WWP2: variants seen among roughly 807,000 people sequenced by gnomAD.
WWP2 encodes WW domain containing E3 ubiquitin protein ligase 2, also known as NEDD4-like E3 ubiquitin-protein ligase WWP2.
Under a neutral mutation model 121.0 loss-of-function variants are expected in WWP2, and 57 were observed. That is an observed-to-expected ratio of 0.47 (90% CI 0.38 to 0.59). The LOEUF (loss-of-function observed/expected upper bound fraction) is 0.59, where lower values mean the gene tolerates loss of function less well. Among genes scored for constraint, WWP2 ranks in the 20% least tolerant of loss-of-function variants. The probability of loss-of-function intolerance (pLI) is 0.00; values close to 1 mark genes in which losing one functional copy is unlikely to be tolerated. For missense variants in WWP2, 962 were observed against 1,158.9 expected, an observed-to-expected ratio of 0.83 and a Z score of 2.47; for synonymous variants, 449 against 441.3, an observed-to-expected ratio of 1.02 and a Z score of -0.22.
chr16:69,885,347 G>A (rs939530843), intron 7 of WWP2, among the ~76,000 whole-genome samples: 1 of 152,066 alleles, frequency 6.6e-6, no homozygotes, highest in Admixed American at 6.6e-5. Flanking sequence ...ATCAAGCCTT[G>A]CATTTCTGTT....
At position 69,935,073 on chromosome 16, in the gene WWP2, G is replaced by A. The variant is rs1364431908; in HGVS notation, c.1843-780G>A. On this transcript the variant is annotated intron_variant, in intron 17 of 23. Transcript: ENST00000359154. This position sits in a 1 kb window ranked among gnomAD's most constrained non-coding sequence, Gnocchi z 5.2. ...GGTCCTGCCACGTGCCCCGTTGAGG[G>A]TCCTGGGAGCGTGGAGAACCCGGAT... is the stretch of plus-strand genomic sequence containing the variant. Among the ~76,000 whole-genome samples, 1 of 152,220 alleles carries A rather than the reference G, an allele frequency of 6.6e-6. No individual in the cohort carries two copies.
intron 7 of WWP2, among the ~76,000 whole-genome samples, chr16:69,879,220 A>G (rs1031150095): frequency 2.0e-5 from 3 of 152,244 alleles, no homozygotes; most frequent in African/African-American, 7.2e-5. Flanking sequence ...TGAAAAACAC[A>G]TAACATGAAA....
In WWP2 at chr16:69,935,415, T is replaced by C. The variant is rs1466088114; in HGVS notation, c.1843-438T>C. Among the ~76,000 whole-genome samples, 1 of 152,232 alleles carries C rather than the reference T, an allele frequency of 6.6e-6. No homozygotes were observed. Among genetic ancestry groups the C allele is most frequent in the Non-Finnish European group, 1.5e-5 (1 of 68,046 alleles). On this transcript the variant is annotated intron_variant, in intron 17 of 23. Transcript: ENST00000359154. This position sits in a 1 kb window ranked among gnomAD's most constrained non-coding sequence, Gnocchi z 5.2. ...ATTACTCACCATTGGCCGCCAGCTC[T>C]CGCTGTCGGCGGTGTCTGCATTATT...
chr16:69,888,808 G>A, intron 8 of WWP2, among the ~76,000 whole-genome samples: 1 of 151,994 alleles, frequency 6.6e-6, no homozygotes, highest in South Asian at 2.1e-4. Context: ...GGGTTCAAGT[G>A]ATTCTCCTGC....
At chr16:69,839,537 A>G (rs760290659) in intron 4 of WWP2, among the ~76,000 whole-genome samples, 2 of 152,108 alleles carry the variant, frequency 1.3e-5, no homozygotes, top group African/African-American at 2.4e-5. Context: ...CCACTTCTCA[A>G]TTCTCTCTCC....
Position 69,833,011 on chromosome 16 carries a change from G to A in WWP2, c.341-7115G>A, listed in dbSNP as rs908800802. On this transcript the variant is annotated intron_variant, in intron 4 of 23. Transcript: ENST00000359154. The stretch of plus-strand genomic sequence containing the variant: ...TGGGACCGCAGGTGCACGCCACCAC[G>A]TCCAACTAATTATTTTATTTTATTT... 3.3e-5 allele frequency among the ~76,000 whole-genome samples: 5 copies of A among 152,144 alleles called. No homozygotes were observed. In the South Asian group the frequency reaches 8.3e-4, roughly 25 times the overall value.
chr16:69,811,815 T>C (rs558155246), intron 4 of WWP2, among the ~76,000 whole-genome samples: 1 of 152,158 alleles, frequency 6.6e-6, no homozygotes, highest in African/African-American at 2.4e-5. Flanking sequence ...AACTCCTCAA[T>C]GTCGTCCTTC....
chr16:69,763,207 G>A (rs1028787502), intron 1 of WWP2, among the ~76,000 whole-genome samples: 2 of 152,190 alleles, frequency 1.3e-5, no homozygotes, highest in Admixed American at 6.5e-5. Flanking sequence ...TACCTAGACT[G>A]CTTTATGACT....
At chr16:69,802,070 C>T (rs2056179941) in intron 4 of WWP2, among the ~76,000 whole-genome samples, 1 of 151,930 alleles carries the variant, frequency 6.6e-6, no homozygotes, top group Admixed American at 6.6e-5. Flanking sequence ...GCTGGGACTA[C>T]AGGCACCCAC....
chr16:69,793,512 A>T (rs1456659615), intron 2 of WWP2, among the ~76,000 whole-genome samples: 1 of 152,108 alleles, frequency 6.6e-6, no homozygotes, highest in Admixed American at 6.6e-5. Context: ...ACAATTTGAC[A>T]GGTAGGGGAC....
rs573922760 is a variant in WWP2 at position 69,854,841 on chromosome 16, G to A, written c.575+12721G>A. Among the ~76,000 whole-genome samples the A allele has an allele frequency of 2.4e-3, 360 of 152,142 alleles. 2 individuals carry two copies. The highest frequency in any genetic ancestry group is 0.01 in the South Asian group (49 of 4,814). On this transcript the variant is annotated intron_variant, in intron 6 of 23. Coordinates refer to ENST00000359154, the MANE Select transcript of WWP2 (RefSeq NM_001270454.2). Reference sequence around the variant, plus strand: ...GCTGGGATTACAAGTGTGGGCCACCGCGCCTAGCCTCTTTTTTGTTTTTTA... The same window carrying A: ...GCTGGGATTACAAGTGTGGGCCACCACGCCTAGCCTCTTTTTTGTTTTTTA...
chr16:69,922,500 C>T (rs2058577903), intron 10 of WWP2, among the ~76,000 whole-genome samples: 1 of 152,200 alleles, frequency 6.6e-6, no homozygotes. Context: ...CTTTTCTGTT[C>T]CTAGTGATAG....
intron 1 of WWP2, among the ~76,000 whole-genome samples, chr16:69,774,499 C>T (rs568006973): frequency 6.6e-6 from 1 of 152,252 alleles, no homozygotes; most frequent in African/African-American, 2.4e-5. Flanking sequence ...TCAAGTGATC[C>T]ACCTGACTTG....
At chr16:69,912,427 C>T (rs1022966508) in intron 9 of WWP2, among the ~76,000 whole-genome samples, 1 of 150,734 alleles carries the variant, frequency 6.6e-6, no homozygotes, top group Non-Finnish European at 1.5e-5. Flanking sequence ...ATGACTGCCT[C>T]TGACATTGAG....
chr16:69,847,466 A>G (rs1240430467), intron 6 of WWP2, among the ~76,000 whole-genome samples: 2 of 149,188 alleles, frequency 1.3e-5, no homozygotes, highest in East Asian at 2.0e-4. Flanking sequence ...GTGGACTGCA[A>G]TGGTGCAAAC....
At chr16:69,841,707 T>C (rs1179798729) in intron 5 of WWP2, among the ~76,000 whole-genome samples, 1 of 152,188 alleles carries the variant, frequency 6.6e-6, no homozygotes, top group Non-Finnish European at 1.5e-5. Context: ...TTTTGTTCTC[T>C]ATCTCACGTT....
chr16:69,909,293 C>T, intron 9 of WWP2: 1 of 988,474 alleles, frequency 1.0e-6, no homozygotes, highest in African/African-American at 1.7e-5. Context: ...CCACATGTGT[C>T]TCCTGGTCCC....
At chr16:69,773,379 A>G (rs11643926) in intron 1 of WWP2, among the ~76,000 whole-genome samples, 40,602 of 151,960 alleles carry the variant, frequency 0.27, 5,997 homozygotes, top group East Asian at 0.41. Context: ...GGGTTTCACT[A>G]TGTTGGCCGG....
chr16:69,813,906 A>G lies in WWP2; in HGVS notation c.340+14611A>G, dbSNP rs529544939. Among the ~76,000 whole-genome samples the G allele has an allele frequency of 7.2e-4, 109 of 152,200 alleles. 1 individual carries two copies. The South Asian group carries it at 0.013, about 19-fold the overall frequency. Reference sequence around the variant, plus strand: ...TAATCCAATATAGGTAAAATTTACTATGTGATAAAGATGGCATTTAAAATC... The same window carrying G: ...TAATCCAATATAGGTAAAATTTACTGTGTGATAAAGATGGCATTTAAAATC... On this transcript the variant is annotated intron_variant, in intron 4 of 23. Transcript: ENST00000359154.
Sources: allele counts gnomAD v4.1 joint callset (sites outside exome capture counted in the v4.1 genomes callset), GRCh38; gene constraint gnomAD v4.1.1; non-coding constraint Gnocchi (gnomAD v3.1); transcripts MANE v1.5; gene names NCBI Gene and HGNC (gene_info 2026-07-23, HGNC 2026-07-21).